SLC4A4: variants seen among roughly 807,000 people sequenced by gnomAD.
The protein encoded by SLC4A4 is solute carrier family 4 member 4, also known as electrogenic sodium bicarbonate cotransporter 1.
A neutral mutation model predicts 111.5 loss-of-function variants in SLC4A4; 27 were observed. The observed-to-expected ratio is 0.24, with a 90% CI of 0.18 to 0.33. The LOEUF is 0.33. SLC4A4 is among the 10% of genes least tolerant of loss of function. SLC4A4 has a pLI of 1.00. For missense variants in SLC4A4, 909 were observed against 1,315.5 expected (o/e 0.69, Z 4.78); for synonymous variants, 443 against 463.4 (o/e 0.96, Z 0.57).
chr4:71,330,064 TG>T (rs1361764108), intron 3 of SLC4A4, among the ~76,000 whole-genome samples: 1 of 152,230 alleles, frequency 6.6e-6, no homozygotes, highest in Non-Finnish European at 1.5e-5. Flanking sequence ...TCAATTGAAA[TG>T]ATCGTATGGT....
In SLC4A4 at chr4:71,095,926, G is replaced by A. The variant is rs114948618; in HGVS notation, c.-2+3134G>A. On this transcript the variant is annotated intron_variant, in intron 2 of 26. Coordinates refer to the SLC4A4 transcript ENST00000649996. The stretch of plus-strand genomic sequence containing the variant: ...GTTTGCTTATAAAATAAAGATTCCA[G>A]ATAGAGAAGACAGCATGTATGAAAG... Among the ~76,000 whole-genome samples the A allele has an allele frequency of 4.5e-3, 689 of 152,266 alleles. 7 individuals carry two copies. The highest frequency in any genetic ancestry group is 0.016 in the African/African-American group (656 of 41,558).
intron 8 of SLC4A4, among the ~76,000 whole-genome samples, chr4:71,442,033 T>C (rs1242570995): frequency 6.6e-6 from 1 of 152,182 alleles, no homozygotes; most frequent in Non-Finnish European, 1.5e-5. Context: ...TGTGCCCCTA[T>C]GGCTTTATTT....
chr4:71,239,638 G>A (rs867342885), intron 2 of SLC4A4, among the ~76,000 whole-genome samples: 2 of 152,150 alleles, frequency 1.3e-5, no homozygotes, highest in African/African-American at 4.8e-5. Context: ...GGAGTCATCT[G>A]TTTAAGTAAT....
intron 3 of SLC4A4, among the ~76,000 whole-genome samples, chr4:71,329,179 T>G (rs1324126885): frequency 6.6e-6 from 1 of 152,050 alleles, no homozygotes; most frequent in Non-Finnish European, 1.5e-5. Flanking sequence ...CATTGGTTTG[T>G]GTGTCATTTT....
chr4:71,502,194 C>T (rs1036147175), intron 16 of SLC4A4, among the ~76,000 whole-genome samples: 1 of 152,206 alleles, frequency 6.6e-6, no homozygotes, highest in Non-Finnish European at 1.5e-5. Flanking sequence ...CTGTTGATCT[C>T]AAGTGATCCA....
intron 7 of SLC4A4, among the ~76,000 whole-genome samples, chr4:71,407,890 C>G (rs1242889762): frequency 6.6e-6 from 1 of 151,978 alleles, no homozygotes; most frequent in Non-Finnish European, 1.5e-5. Context: ...ACTTAATTTA[C>G]AGATCTTCAC....
intron 18 of SLC4A4, among the ~76,000 whole-genome samples, chr4:71,538,708 T>TA (rs1734779258): frequency 6.6e-6 from 1 of 152,216 alleles, no homozygotes; most frequent in Middle Eastern, 3.4e-3. Flanking sequence ...TCCGGTCAAG[T>TA]GGCTCTGGCT....
intron 2 of SLC4A4, among the ~76,000 whole-genome samples, chr4:71,163,203 G>A (rs1003461769): frequency 6.6e-6 from 1 of 152,188 alleles, no homozygotes; most frequent in Non-Finnish European, 1.5e-5. Context: ...TAGTTAGGGT[G>A]TGGGCTTTAT....
chr4:71,350,201 T>G, intron 5 of SLC4A4, 129 bp downstream of exon 5: 1 of 918,366 alleles, frequency 1.1e-6, no homozygotes, highest in South Asian at 1.5e-5. Flanking sequence ...TCTTTTTGCA[T>G]TATAACATTA....
At chr4:71,261,152 C>G (rs1048640974) in intron 3 of SLC4A4, among the ~76,000 whole-genome samples, 9 of 152,138 alleles carry the variant, frequency 5.9e-5, no homozygotes, top group African/African-American at 2.2e-4. Flanking sequence ...TCTTATCTTG[C>G]CAGTGAGTGT....
At chr4:71,150,711 G>T (rs1490095678) in intron 2 of SLC4A4, among the ~76,000 whole-genome samples, 1 of 152,174 alleles carries the variant, frequency 6.6e-6, no homozygotes. Context: ...GTGCAGGTGA[G>T]AGCGCTTGGG....
chr4:71,450,461 G>A lies in SLC4A4; in HGVS notation c.1126G>A (p.Glu376Lys). ...TGCTGGTATTGATGAGTTCCTAGAT[G>A]AAGTCATCGTCCTTCCACCTGGGGA... ...LIAGIDEFLD[E>K]VIVLPPGEWD... Residue 376 changes from glutamate (E) to lysine (K), a missense_variant, in exon 10 of 26, where the codon GAA becomes AAA. Physicochemically the swap from Glu to Lys is moderately conservative, Grantham distance 56. Around this residue, in one of 7 missense-constraint regions of SLC4A4, gnomAD observed 312 missense variants for 402.0 expected, o/e 0.78. Transcript: ENST00000264485. 6.2e-7 allele frequency: 1 copy of A among 1,613,382 alleles called. No homozygotes were observed. The highest frequency in any genetic ancestry group is 8.5e-7 in the Non-Finnish European group (1 of 1,179,390).
At chr4:71,308,623 C>T (rs759866791) in intron 3 of SLC4A4, among the ~76,000 whole-genome samples, 7 of 151,832 alleles carry the variant, frequency 4.6e-5, no homozygotes, top group South Asian at 2.1e-4. Context: ...TGCAAGGGGC[C>T]GGGGGACTCC....
intron 20 of SLC4A4, 44 bp downstream of exon 20, chr4:71,547,764 C>A: frequency 6.8e-7 from 1 of 1,465,144 alleles, no homozygotes; most frequent in Non-Finnish European, 9.6e-7. Flanking sequence ...AGAACACTGA[C>A]ATATAATTGG....
intron 1 of SLC4A4, among the ~76,000 whole-genome samples, chr4:71,217,342 C>T (rs1216421208): frequency 6.6e-6 from 1 of 151,628 alleles, no homozygotes. Context: ...CTGAGGTGGG[C>T]GATCCTGAGG....
chr4:71,513,597 T>G (rs1347657274), intron 16 of SLC4A4, among the ~76,000 whole-genome samples: 5 of 152,198 alleles, frequency 3.3e-5, no homozygotes, highest in African/African-American at 9.6e-5. Context: ...ACTTCCCCTT[T>G]TCCAATTTGG....
chr4:71,274,091 A>G (rs1327657560), intron 3 of SLC4A4, among the ~76,000 whole-genome samples: 2 of 152,244 alleles, frequency 1.3e-5, no homozygotes, highest in Non-Finnish European at 2.9e-5. Context: ...CCAATAGCAT[A>G]AACAGTTAAT....
intron 16 of SLC4A4, among the ~76,000 whole-genome samples, chr4:71,522,369 C>T (rs1172506055): frequency 6.6e-6 from 1 of 152,180 alleles, no homozygotes; most frequent in Non-Finnish European, 1.5e-5. Flanking sequence ...TGATCATAAA[C>T]ATGGAACAAA....
Position 71,437,701 on chromosome 4 carries a change from A to G in SLC4A4, c.808-2915A>G, listed in dbSNP as rs565590916. The G allele has an allele frequency of 4.8e-5, 19 of 397,376 alleles. No individual in the cohort carries two copies. The East Asian group carries it at 5.9e-4, about 12-fold the overall frequency. The allele number at this position is 397,376 out of a possible 1,614,324, so 24.6% of individuals were successfully genotyped here. A position where few individuals can be genotyped will look rare whatever the true frequency, so the allele number is the denominator to read the frequency against. On this transcript the variant is annotated intron_variant, in intron 7 of 25. Coordinates refer to ENST00000264485, the MANE Select transcript of SLC4A4 (RefSeq NM_001098484.3). Reference sequence around the variant, plus strand: ...GGCCATGCCAACTGATCCAGTTCCTATAATGGAGATCTTATTGGGATGAGC... The same window carrying G: ...GGCCATGCCAACTGATCCAGTTCCTGTAATGGAGATCTTATTGGGATGAGC...
Sources: allele counts gnomAD v4.1 joint callset (sites outside exome capture counted in the v4.1 genomes callset), GRCh38; gene constraint gnomAD v4.1.1; regional missense constraint gnomAD v4.1.1; transcripts MANE v1.5; gene names NCBI Gene and HGNC (gene_info 2026-07-23, HGNC 2026-07-21).